Variants in SLC29A1 observed in about 807,000 individuals in gnomAD.
The protein encoded by SLC29A1 is equilibrative nucleoside transporter 1.
In SLC29A1, 22 loss-of-function variants were observed where a neutral mutation model predicts 48.3. The ratio of observed to expected loss-of-function variants is 0.46; its 90% CI spans 0.33 to 0.65. The LOEUF is 0.65. Ranked by LOEUF, SLC29A1 falls within the 30% of genes least tolerant of loss-of-function variation. The probability of loss-of-function intolerance (pLI) is 0.03; values close to 1 mark genes in which losing one functional copy is unlikely to be tolerated. For synonymous variants in SLC29A1, 228 were observed against 231.0 expected, an observed-to-expected ratio of 0.99 and a Z score of 0.12; for missense variants, 491 against 575.3, an observed-to-expected ratio of 0.85 and a Z score of 1.50.
chr6:44,221,352 A>G (rs1203429320), upstream of SLC29A1, among the ~76,000 whole-genome samples: 1 of 152,112 alleles, frequency 6.6e-6, no homozygotes, highest in East Asian at 1.9e-4. The surrounding 1 kb of genome is among the most constrained non-coding windows in gnomAD (Gnocchi z 4.2). Context: ...CTGGTTACCA[A>G]CCCCCAGGCC....
Position 44,232,235 on chromosome 6 carries a change from A to G in SLC29A1, c.974-108A>G. Reference sequence around the variant, plus strand: ...GTCCATTTGCCCTTCCCTGGGCTGGAAGCATCTTCTCCATTTTACTGTTGG... The same window carrying G: ...GTCCATTTGCCCTTCCCTGGGCTGGGAGCATCTTCTCCATTTTACTGTTGG... On this transcript the variant is annotated intron_variant, in intron 10 of 12. Coordinates refer to ENST00000371755, the MANE Select transcript of SLC29A1 (RefSeq NM_001372327.1). The surrounding 1 kb of genome is among the most constrained non-coding windows in gnomAD (Gnocchi z 4.7). 8.7e-7 allele frequency: 1 copy of G among 1,146,890 alleles called. No homozygotes were observed. 71.0% of individuals were successfully genotyped at this position (1,146,890 alleles called of 1,614,324 possible).
At position 44,230,548 on chromosome 6, in the gene SLC29A1, G is replaced by C. The variant is rs964580933; in HGVS notation, c.590-20G>C. The C allele has an allele frequency of 1.2e-5, 20 of 1,613,872 alleles. No homozygotes were observed. The African/African-American group carries it at 2.7e-4, about 22-fold the overall frequency. On this transcript the variant is annotated intron_variant, in intron 6 of 12. Transcript: ENST00000371755. ...GGGAGAGGGGATGGGGCCTGTCTCTGATCACTGACACCACCCCAGGTGGCT... is the reference window on the plus strand; with the variant it reads ...GGGAGAGGGGATGGGGCCTGTCTCTCATCACTGACACCACCCCAGGTGGCT...
chr6:44,219,804 G>A, upstream of SLC29A1: 2 of 1,231,058 alleles, frequency 1.6e-6, no homozygotes, highest in Non-Finnish European at 2.1e-6. Context: ...GGGGCCGGGG[G>A]GCCTGGCGGG....
At position 44,232,131 on chromosome 6, in the gene SLC29A1, A is replaced by G. The variant is rs770797067; in HGVS notation, c.973+25A>G. 1.9e-6 allele frequency: 3 copies of G among 1,545,766 alleles called. No homozygotes were observed. The Admixed American group carries it at 5.0e-5, about 26-fold the overall frequency. ...GGTGAGGATGCCACAGGTTTCCAGG[A>G]TGGGAACAGACAGGATCTTGAGTTG... On this transcript the variant is annotated intron_variant, in intron 10 of 12. Transcript: ENST00000371755. This position sits in a 1 kb window ranked among gnomAD's most constrained non-coding sequence, Gnocchi z 4.7.
intron 12 of SLC29A1, 73 bp from the exon 13 acceptor site, chr6:44,233,344 C>CT (rs1779321661): frequency 3.9e-6 from 5 of 1,294,176 alleles, no homozygotes; most frequent in Non-Finnish European, 5.6e-6. Flanking sequence ...CACCCCACCC[C>CT]TCCTTCCACC....
upstream of SLC29A1, among the ~76,000 whole-genome samples, chr6:44,220,818 C>T (rs2128335248): frequency 7.1e-6 from 1 of 140,714 alleles, no homozygotes; most frequent in East Asian, 2.2e-4. Context: ...GAGTGAGACT[C>T]CATCTTAAAG....
Position 44,230,634 on chromosome 6 carries a change from C to T in SLC29A1, c.656C>T (p.Thr219Ile). The change falls in exon 7 of 13, where the codon ACC becomes ATC. Residue 219 changes from threonine to isoleucine, a missense_variant. By Grantham distance (89) the Thr-to-Ile change is moderately conservative. Transcript: ENST00000371755. ...FITACAVIIL[T>I]IICYLGLPRL... ...ACAGCCTGTGCTGTTATCATTTTGACCATCATCTGTTACCTGGGCCTGCCC... is the reference window on the plus strand; with the variant it reads ...ACAGCCTGTGCTGTTATCATTTTGATCATCATCTGTTACCTGGGCCTGCCC... 6.2e-7 allele frequency: 1 copy of T among 1,613,682 alleles called. No individual in the cohort carries two copies. Among genetic ancestry groups the T allele is most frequent in the Non-Finnish European group, 8.5e-7 (1 of 1,179,938 alleles).
intron 1 of SLC29A1, among the ~76,000 whole-genome samples, chr6:44,225,098 C>T (rs1048406334): frequency 6.6e-6 from 1 of 152,154 alleles, no homozygotes; most frequent in Non-Finnish European, 1.5e-5. Context: ...CCCCCATCTG[C>T]TTTGAAGCTA....
chr6:44,230,005 C>T lies in SLC29A1; in HGVS notation c.413C>T (p.Pro138Leu). 5 of 1,611,352 alleles carry T rather than the reference C, an allele frequency of 3.1e-6. No individual in the cohort carries two copies. In the South Asian group the frequency reaches 3.3e-5, roughly 11 times the overall value. The change falls in exon 5 of 13, where the codon CCC becomes CTC. Residue 138 changes from proline to leucine, a missense_variant. Pro to Leu is a moderately conservative substitution (Grantham distance 98, BLOSUM62 -3). Coordinates refer to ENST00000371755, the MANE Select transcript of SLC29A1 (RefSeq NM_001372327.1). ...GTGAAGGTGCAGCTGGATGCTCTGCCCTTCTTTGTCATCACCATGATCAAG... is the reference window on the plus strand; with the variant it reads ...GTGAAGGTGCAGCTGGATGCTCTGCTCTTCTTTGTCATCACCATGATCAAG... Reference protein sequence around the residue: ...ILVKVQLDALPFFVITMIKIV... With the variant: ...ILVKVQLDALLFFVITMIKIV...
intron 1 of SLC29A1, chr6:44,226,652 G>C (rs1208796520): frequency 4.0e-6 from 3 of 757,936 alleles, no homozygotes; most frequent in Non-Finnish European, 3.2e-6. Flanking sequence ...CTTCAGGAGA[G>C]GACAGCCCCA....
rs749985533 is a variant in SLC29A1, at chr6:44,233,525, G to A, written c.1368G>A (p.Val456=). ...AVFSFLFRAI[V] ...TCTCCTTCCTGTTCCGGGCAATTGT[G>A]TGACAAAGGATGGACAGAAGGACTG... Residue 456 remains valine (V), a synonymous_variant, in exon 13 of 13, where the codon GTG becomes GTA. Coordinates refer to ENST00000371755, the MANE Select transcript of SLC29A1 (RefSeq NM_001372327.1). 7.4e-6 allele frequency: 12 copies of A among 1,612,506 alleles called. No homozygotes were observed. Among genetic ancestry groups the A allele is most frequent in the Non-Finnish European group, 9.3e-6 (11 of 1,178,502 alleles).
intron 2 of SLC29A1, among the ~76,000 whole-genome samples, chr6:44,227,847 T>C (rs550626989): frequency 4.2e-4 from 64 of 152,312 alleles, no homozygotes; most frequent in African/African-American, 1.5e-3. Context: ...ATTCAATTTC[T>C]CAAAGGGATC....
At position 44,230,368 on chromosome 6, in the gene SLC29A1, G is replaced by A; in HGVS notation, c.476G>A (p.Gly159Asp). The change falls in exon 6 of 13, where the codon GGC becomes GAC. Residue 159 changes from glycine (G) to aspartate (D), a missense_variant. Coordinates refer to ENST00000371755, the MANE Select transcript of SLC29A1 (RefSeq NM_001372327.1). ...LINSFGAILQ[G>D]SLFGLAGLLP... ...CCAGCATTTGGTGCCATCCTGCAGG[G>A]CAGCCTGTTTGGTCTGGCTGGCCTT... The A allele has an allele frequency of 6.2e-7, 1 of 1,613,560 alleles. No homozygotes were observed. The highest frequency in any genetic ancestry group is 1.1e-5 in the South Asian group (1 of 91,076).
At chr6:44,223,576 G>A (rs1264627552), upstream of SLC29A1, 8 of 1,211,006 alleles carry the variant, frequency 6.6e-6, no homozygotes, top group African/African-American at 8.2e-5. The surrounding 1 kb of genome is among the most constrained non-coding windows in gnomAD (Gnocchi z 5.0). Context: ...AATGTGCCCC[G>A]GCGGGAGAGG....
upstream of SLC29A1, chr6:44,219,767 T>TC: frequency 1.6e-6 from 2 of 1,283,922 alleles, no homozygotes; most frequent in Non-Finnish European, 2.0e-6. Context: ...GGATGCTCAC[T>TC]CCAAAGTCTC....
At chr6:44,226,608 G>C (rs747199) in intron 1 of SLC29A1, 58,486 of 317,978 alleles carry the variant, frequency 0.18, 6,118 homozygotes, top group East Asian at 0.26. Context: ...AAAGGTTAAG[G>C]TGCCAACAGC....
chr6:44,230,711 GTT>G, intron 7 of SLC29A1, 46 bp downstream of exon 7: 13 of 1,025,458 alleles, frequency 1.3e-5, no homozygotes, highest in Non-Finnish European at 1.8e-5. Context: ...GGGGTCTGGG[GTT>G]CCAGACCACG....
chr6:44,224,797 C>G (rs1490176813), intron 1 of SLC29A1, among the ~76,000 whole-genome samples: 1 of 152,170 alleles, frequency 6.6e-6, no homozygotes, highest in African/African-American at 2.4e-5. Context: ...CCCACCTCAG[C>G]AGGCCAAGGC....
In SLC29A1 at chr6:44,229,473, TG is replaced by T; in HGVS notation, c.111+3del. The T allele has an allele frequency of 6.2e-7, 1 of 1,613,752 alleles. No individual in the cohort carries two copies. Among genetic ancestry groups the T allele is most frequent in the Non-Finnish European group, 8.5e-7 (1 of 1,179,692 alleles). On this transcript the variant is annotated splice_donor_region_variant and intron_variant, in intron 3 of 12. Coordinates refer to ENST00000371755, the MANE Select transcript of SLC29A1 (RefSeq NM_001372327.1). This position sits in a 1 kb window ranked among gnomAD's most constrained non-coding sequence, Gnocchi z 5.1. ...AATTTTTTCATGACGGCCACTCAGG[TG>T]AGGCTGGAGGGACTGGGCTCCATGG...
Sources: allele counts gnomAD v4.1 joint callset (sites outside exome capture counted in the v4.1 genomes callset), GRCh38; gene constraint gnomAD v4.1.1; non-coding constraint Gnocchi (gnomAD v3.1); transcripts MANE v1.5; gene names NCBI Gene and HGNC (gene_info 2026-07-23, HGNC 2026-07-21).